The following NDUFS7 variants were observed in gnomAD, a reference collection of about 807,000 sequenced individuals.
The protein encoded by NDUFS7 is NADH:ubiquinone oxidoreductase core subunit S7, also known as NADH dehydrogenase [ubiquinone] iron-sulfur protein 7, mitochondrial.
A neutral mutation model predicts 31.1 loss-of-function variants in NDUFS7; 11 were observed. The ratio of observed to expected loss-of-function variants is 0.35; its 90% CI spans 0.22 to 0.59. The LOEUF is 0.59. Ranked by LOEUF, NDUFS7 falls within the 20% of genes least tolerant of loss-of-function variation. The pLI, the probability that NDUFS7 is intolerant of heterozygous loss-of-function variation, is 0.79. For synonymous variants in NDUFS7, 136 were observed against 127.9 expected, an observed-to-expected ratio of 1.06 and a Z score of -0.43; for missense variants, 263 against 324.2, an observed-to-expected ratio of 0.81 and a Z score of 1.45.
At chr19:1,385,838 A>G (rs1020131078) in intron 1 of NDUFS7, among the ~76,000 whole-genome samples, 9 of 152,092 alleles carry the variant, frequency 5.9e-5, no homozygotes, top group African/African-American at 2.2e-4. Flanking sequence ...AACAACAACA[A>G]CAAAAACCCT....
chr19:1,389,153 GCA>G, intron 4 of NDUFS7: 1 of 700,172 alleles, frequency 1.4e-6, no homozygotes, highest in African/African-American at 1.7e-5. Context: ...ATGCACACTC[GCA>G]CACATGCACA....
chr19:1,394,317 C>T (rs955299432), intron 7 of NDUFS7: 3 of 1,269,390 alleles, frequency 2.4e-6, no homozygotes, highest in South Asian at 2.5e-5. Context: ...AGAGGTCCAT[C>T]CTGGGGTCAG....
At chr19:1,391,095 G>A (rs1037646280) in intron 5 of NDUFS7, 24 bp from the exon 6 acceptor site, 3 of 1,609,624 alleles carry the variant, frequency 1.9e-6, no homozygotes, top group African/African-American at 2.7e-5. Context: ...AGTGAGCTGC[G>A]CACGGACCCC....
chr19:1,391,516 T>C (rs2082557861), intron 6 of NDUFS7, among the ~76,000 whole-genome samples: 2 of 149,488 alleles, frequency 1.3e-5, no homozygotes, highest in Non-Finnish European at 3.0e-5. Flanking sequence ...GACAGAGTCT[T>C]GCTCTGTCAA....
At chr19:1,389,311 GCA>G (rs763386936) in intron 4 of NDUFS7, 66 of 477,040 alleles carry the variant, frequency 1.4e-4, no homozygotes, top group African/African-American at 4.3e-4. Flanking sequence ...GCACAGTCAT[GCA>G]CACACATGCA....
At chr19:1,387,773 C>G in intron 1 of NDUFS7, 38 bp from the exon 2 acceptor site, 2 of 1,606,476 alleles carry the variant, frequency 1.2e-6, no homozygotes, top group Admixed American at 1.7e-5. Context: ...GCGTGCTGCC[C>G]GCAGCTCACT....
In NDUFS7 at chr19:1,389,164, C is replaced by G. The variant is rs1041879967; in HGVS notation, c.228+226C>G. ...ACATATGCACACTCGCACACATGCA[C>G]ACTTGCACACACATGCACACACAAG... On this transcript the variant is annotated intron_variant, in intron 4 of 7. Transcript: ENST00000233627. 17 of 698,594 alleles carry G rather than the reference C, an allele frequency of 2.4e-5. No homozygotes were observed. In the East Asian group the frequency reaches 4.3e-4, roughly 18 times the overall value. The allele number at this position is 698,594 out of a possible 1,614,324, so 43.3% of individuals were successfully genotyped here.
chr19:1,384,190 G>A, intron 1 of NDUFS7: 1 of 513,114 alleles, frequency 1.9e-6, no homozygotes, highest in Non-Finnish European at 3.4e-6. Flanking sequence ...GCCTCAGGAA[G>A]GCGCTCGGGG....
At chr19:1,389,018 A>G (rs2082530380) in intron 4 of NDUFS7, 80 bp downstream of exon 4, 10 of 1,127,170 alleles carry the variant, frequency 8.9e-6, no homozygotes, top group East Asian at 2.6e-5. Flanking sequence ...ACACACACCA[A>G]CGTGCAGACA....
At chr19:1,387,746 G>C in intron 1 of NDUFS7, 65 bp from the exon 2 acceptor site, 1 of 1,497,136 alleles carries the variant, frequency 6.7e-7, no homozygotes, top group Non-Finnish European at 9.2e-7. Context: ...ATGGGGAAGC[G>C]CCTGGAGGCC....
rs1269887745 is a variant in NDUFS7, at chr19:1,386,225, G to A, written c.17-1586G>A. 2.6e-5 allele frequency among the ~76,000 whole-genome samples: 4 copies of A among 152,248 alleles called. No homozygotes were observed. The South Asian group carries it at 6.2e-4, about 24-fold the overall frequency. On this transcript the variant is annotated intron_variant, in intron 1 of 7. Coordinates refer to ENST00000233627, the MANE Select transcript of NDUFS7 (RefSeq NM_024407.5). ...GGAGGCTGCCCACAGCCTCTCCATCGGGCCTCACCTCACCCACAGCGACAA... is the reference window on the plus strand; with the variant it reads ...GGAGGCTGCCCACAGCCTCTCCATCAGGCCTCACCTCACCCACAGCGACAA...
chr19:1,390,750 C>A, intron 4 of NDUFS7, 121 bp from the exon 5 acceptor site: 1 of 1,169,954 alleles, frequency 8.5e-7, no homozygotes, highest in Non-Finnish European at 1.2e-6. Flanking sequence ...CTGTGCCTCT[C>A]ACCTCTGCCG....
chr19:1,387,925 G>GGGGGGGC, intron 2 of NDUFS7, 78 bp downstream of exon 2: 1 of 420,696 alleles, frequency 2.4e-6, no homozygotes, highest in Non-Finnish European at 4.6e-6. Flanking sequence ...GGGGGTGGGG[G>GGGGGGGC]GTGGGGGGAG....
In NDUFS7 at chr19:1,388,890, C is replaced by T. The variant is rs762680917; in HGVS notation, c.180C>T (p.Gly60=). 3.7e-5 allele frequency: 59 copies of T among 1,609,570 alleles called. No homozygotes were observed. Among genetic ancestry groups the T allele is most frequent in the South Asian group, 1.0e-4 (9 of 90,094 alleles). The change falls in exon 4 of 8, where the codon GGC becomes GGT. Residue 60 remains glycine (G), a synonymous_variant. Transcript: ENST00000233627. ...RAVAPKPSSR[G]EYVVAKLDDL... is the part of the protein sequence containing the mutation. ...TGGCTCCCAAACCCAGCAGCCGGGG[C>T]GAGTATGTGGTGGCCAAGCTGGATG...
At chr19:1,389,686 T>C (rs2082541232) in intron 4 of NDUFS7, 4 of 363,518 alleles carry the variant, frequency 1.1e-5, no homozygotes, top group Middle Eastern at 4.3e-4. Flanking sequence ...ACGCAGCCCC[T>C]GCCATCCCCC....
At chr19:1,389,151 TCGCACACATGCACACTTG>T in intron 4 of NDUFS7, 1 of 701,522 alleles carries the variant, frequency 1.4e-6, no homozygotes, top group Non-Finnish European at 2.6e-6. Context: ...ATATGCACAC[TCGCACACATGCACACTTG>T]CACACACATG....
chr19:1,385,427 C>T (rs1350732952), intron 1 of NDUFS7, among the ~76,000 whole-genome samples: 2 of 152,032 alleles, frequency 1.3e-5, no homozygotes, highest in Non-Finnish European at 2.9e-5. Flanking sequence ...GCAAGAGAAT[C>T]GCTTGAACCC....
intron 4 of NDUFS7, chr19:1,390,434 A>C: frequency 4.0e-6 from 1 of 253,062 alleles, no homozygotes; most frequent in Non-Finnish European, 7.8e-6. Context: ...GATGGAGGAG[A>C]GGGGAGGGAG....
rs1600146199 is a variant in NDUFS7 at position 1,387,925 on chromosome 19, GGTGGGGGGA to G, written c.53+80_53+88del. The G allele has an allele frequency of 4.2e-4, 175 of 420,648 alleles. 40 individuals are homozygous for G. Among genetic ancestry groups the G allele is most frequent in the East Asian group, 2.8e-3 (41 of 14,794 alleles). The allele number at this position is 420,648 out of a possible 1,614,324, so 26.1% of individuals were successfully genotyped here. On this transcript the variant is annotated intron_variant, in intron 2 of 7. Coordinates refer to ENST00000233627, the MANE Select transcript of NDUFS7 (RefSeq NM_024407.5). ...GACGAACGGGGCGGGGGGGGTGGGGGGTGGGGGGAGCGCCTTGTTGAAGGTCACGTGTCA... is the reference window on the plus strand; with the variant it reads ...GACGAACGGGGCGGGGGGGGTGGGGGGCGCCTTGTTGAAGGTCACGTGTCA...
Sources: allele counts gnomAD v4.1 joint callset (sites outside exome capture counted in the v4.1 genomes callset), GRCh38; gene constraint gnomAD v4.1.1; transcripts MANE v1.5; gene names NCBI Gene and HGNC (gene_info 2026-07-23, HGNC 2026-07-21).